Variants in MGAT4A observed in about 807,000 individuals in gnomAD.
MGAT4A encodes the protein alpha-1,3-mannosyl-glycoprotein 4-beta-N-acetylglucosaminyltransferase A, also known as N-acetylglucosaminyltransferase IVa.
MGAT4A carries 33 observed loss-of-function variants against 74.1 expected under a neutral mutation model. The ratio of observed to expected loss-of-function variants is 0.45; its 90% CI spans 0.34 to 0.60. The LOEUF is 0.60. MGAT4A is among the 20% of genes least tolerant of loss of function. The pLI is 0.02. For synonymous variants in MGAT4A, 198 were observed against 210.4 expected (o/e 0.94, Z 0.51); for missense variants, 479 against 628.3 (o/e 0.76, Z 2.54).
Position 98,636,549 on chromosome 2 carries a change from G to A in MGAT4A, c.1369C>T (p.Leu457=). Residue 457 remains leucine, a synonymous_variant, in exon 13 of 16, where the codon CTA becomes TTA. Transcript: ENST00000393487. ...GNQEHPGDIL[L]NTTVEVLPFK... ...GGCAAAACTTCCACAGTTGTGTTTA[G>A]CAGAATATCTCCAGGATGTTCTTGG... The A allele has an allele frequency of 6.2e-7, 1 of 1,613,904 alleles. No homozygotes were observed. The highest frequency in any genetic ancestry group is 8.5e-7 in the Non-Finnish European group (1 of 1,179,844).
intron 10 of MGAT4A, among the ~76,000 whole-genome samples, chr2:98,642,392 G>A (rs1416668191): frequency 6.6e-6 from 1 of 152,206 alleles, no homozygotes; most frequent in Admixed American, 6.5e-5. Flanking sequence ...AGGATGTGGC[G>A]ACAGCACCCT....
At chr2:98,658,194 T>C (rs1314787699) in intron 6 of MGAT4A, 24 bp downstream of exon 6, 2 of 1,470,544 alleles carry the variant, frequency 1.4e-6, no homozygotes, top group Admixed American at 1.9e-5. Flanking sequence ...AATATTTGTA[T>C]GTTTATAATT....
intron 1 of MGAT4A, among the ~76,000 whole-genome samples, chr2:98,730,569 A>C (rs377249138): frequency 7.3e-6 from 1 of 136,538 alleles, no homozygotes; most frequent in Non-Finnish European, 1.6e-5. Context: ...GGCCCCCGCG[A>C]AAGCGCCGAC....
chr2:98,661,938 TATCAGATAA>T (rs1559162405), intron 5 of MGAT4A, among the ~76,000 whole-genome samples: 2 of 35,490 alleles, frequency 5.6e-5, no homozygotes, highest in African/African-American at 8.1e-4. Flanking sequence ...CATGAGAAAA[TATCAGATAA>T]ATCCAAACTG....
intron 2 of MGAT4A, among the ~76,000 whole-genome samples, chr2:98,683,765 C>T (rs1348521272): frequency 1.3e-5 from 2 of 152,170 alleles, no homozygotes; most frequent in Admixed American, 6.5e-5. Flanking sequence ...AGAAATGCCG[C>T]ACCCCTAATT....
intron 3 of MGAT4A, among the ~76,000 whole-genome samples, chr2:98,676,680 G>A (rs1447092705): frequency 6.6e-6 from 1 of 152,042 alleles, no homozygotes; most frequent in Non-Finnish European, 1.5e-5. Flanking sequence ...AATATATTGT[G>A]GTATATATAG....
chr2:98,712,375 G>C (rs142976641), intron 2 of MGAT4A, among the ~76,000 whole-genome samples: 4 of 152,242 alleles, frequency 2.6e-5, no homozygotes, highest in African/African-American at 9.6e-5. Context: ...CTCATCACTT[G>C]TCTGGGTCCT....
chr2:98,640,326 A>C, intron 10 of MGAT4A, 98 bp from the exon 11 acceptor site: 1 of 1,027,740 alleles, frequency 9.7e-7, no homozygotes, highest in Non-Finnish European at 1.4e-6. Context: ...ATTGAAAAGA[A>C]GGGCTGGGCG....
intron 9 of MGAT4A, among the ~76,000 whole-genome samples, chr2:98,644,926 G>A (rs529454922): frequency 5.9e-5 from 9 of 152,158 alleles, no homozygotes; most frequent in Admixed American, 1.3e-4. Flanking sequence ...GAGCCACTGC[G>A]CCTGGCTAAC....
intron 14 of MGAT4A, among the ~76,000 whole-genome samples, chr2:98,631,426 G>A (rs1013300303): frequency 2.6e-5 from 4 of 152,182 alleles, no homozygotes; most frequent in East Asian, 1.9e-4. Context: ...AGGCATTTCC[G>A]TCTTCCCACC....
intron 8 of MGAT4A, among the ~76,000 whole-genome samples, chr2:98,647,812 G>A (rs1020827714): frequency 1.3e-5 from 2 of 152,212 alleles, no homozygotes; most frequent in Non-Finnish European, 2.9e-5. Flanking sequence ...TTCCCCTGAG[G>A]GGTATGTCTA....
chr2:98,654,008 C>T (rs375392645), intron 8 of MGAT4A, among the ~76,000 whole-genome samples: 40 of 152,030 alleles, frequency 2.6e-4, no homozygotes, highest in African/African-American at 9.2e-4. Context: ...GTTCAACACA[C>T]AAAAATCAAT....
rs560803131 is a variant in MGAT4A, at chr2:98,705,800, G to A, written c.94+20439C>T. Among the ~76,000 whole-genome samples the A allele has an allele frequency of 3.4e-3, 509 of 151,926 alleles. 1 individual carries two copies. The highest frequency in any genetic ancestry group is 3.7e-3 in the Non-Finnish European group (250 of 67,926). On this transcript the variant is annotated intron_variant, in intron 2 of 15. Coordinates refer to ENST00000393487, the MANE Select transcript of MGAT4A (RefSeq NM_012214.3). ...CTACTAAAAATACAAAAAATTAGCC[G>A]GGCGCGGTGGCGGGCGCCTGTAGTC...
intron 4 of MGAT4A, among the ~76,000 whole-genome samples, chr2:98,670,548 A>G (rs1701897991): frequency 6.6e-6 from 1 of 152,254 alleles, no homozygotes; most frequent in African/African-American, 2.4e-5. Flanking sequence ...AATCTTCAGT[A>G]ACTCAATCTA....
intron 14 of MGAT4A, among the ~76,000 whole-genome samples, chr2:98,632,778 TG>T (rs1701260380): frequency 6.6e-6 from 1 of 152,158 alleles, no homozygotes; most frequent in South Asian, 2.1e-4. Flanking sequence ...TGTTTTGTTT[TG>T]TTTGAGACAG....
rs559396492 is a variant in MGAT4A at position 98,656,344 on chromosome 2, A to G, written c.698+8T>C. ...AAGTGTGGAGGATTTTAAACGGCACATGCTCACCTTACTCTTTCTTTGGAG... is the reference window on the plus strand; with the variant it reads ...AAGTGTGGAGGATTTTAAACGGCACGTGCTCACCTTACTCTTTCTTTGGAG... On this transcript the variant is annotated splice_region_variant and intron_variant, in intron 7 of 15. Coordinates refer to ENST00000393487, the MANE Select transcript of MGAT4A (RefSeq NM_012214.3). 3.9e-6 allele frequency: 6 copies of G among 1,540,066 alleles called. No individual in the cohort carries two copies. In the South Asian group the frequency reaches 4.5e-5, roughly 12 times the overall value.
intron 2 of MGAT4A, among the ~76,000 whole-genome samples, chr2:98,697,361 T>A (rs944330714): frequency 6.6e-6 from 1 of 152,174 alleles, no homozygotes; most frequent in African/African-American, 2.4e-5. Context: ...TAGTGAAGGA[T>A]AATAGACTAG....
chr2:98,705,021 C>G (rs925786250), intron 2 of MGAT4A, among the ~76,000 whole-genome samples: 3 of 152,104 alleles, frequency 2.0e-5, no homozygotes, highest in Non-Finnish European at 4.4e-5. Flanking sequence ...GCATTTCTAC[C>G]TTATCATTAA....
At chr2:98,718,648 G>A (rs981268085) in intron 2 of MGAT4A, among the ~76,000 whole-genome samples, 1 of 152,178 alleles carries the variant, frequency 6.6e-6, no homozygotes, top group African/African-American at 2.4e-5. Flanking sequence ...GGGAGAAGCA[G>A]GACTTCAACT....
Sources: allele counts gnomAD v4.1 joint callset (sites outside exome capture counted in the v4.1 genomes callset), GRCh38; gene constraint gnomAD v4.1.1; transcripts MANE v1.5; gene names NCBI Gene and HGNC (gene_info 2026-07-23, HGNC 2026-07-21).